RASAL2: variants seen among roughly 807,000 people sequenced by gnomAD.
RASAL2 encodes RAS protein activator like 2, also known as ras GTPase-activating protein nGAP.
A neutral mutation model predicts 128.9 loss-of-function variants in RASAL2; 58 were observed. The ratio of observed to expected loss-of-function variants is 0.45; its 90% CI spans 0.36 to 0.56. The LOEUF is 0.56. Ranked by LOEUF, RASAL2 falls within the 20% of genes least tolerant of loss-of-function variation. RASAL2 has a pLI of 0.00. For synonymous variants in RASAL2, 561 were observed against 580.8 expected, an observed-to-expected ratio of 0.97 and a Z score of 0.49; for missense variants, 1,360 against 1,601.6, an observed-to-expected ratio of 0.85 and a Z score of 2.57.
chr1:178,410,365 A>G (rs1193947502), intron 4 of RASAL2, among the ~76,000 whole-genome samples: 1 of 152,190 alleles, frequency 6.6e-6, no homozygotes, highest in African/African-American at 2.4e-5. Flanking sequence ...CTTATACAAA[A>G]ATCAACTCAA....
chr1:178,228,397 T>C (rs756078142), intron 1 of RASAL2, among the ~76,000 whole-genome samples: 1 of 151,864 alleles, frequency 6.6e-6, no homozygotes, highest in Non-Finnish European at 1.5e-5. Context: ...CTGGCCAAGA[T>C]GGTGAAACCC....
intron 1 of RASAL2, among the ~76,000 whole-genome samples, chr1:178,111,672 T>C (rs1230864558): frequency 6.6e-6 from 1 of 152,226 alleles, no homozygotes; most frequent in African/African-American, 2.4e-5. Context: ...TGAGCAGCTT[T>C]TCATATGCTT....
chr1:178,225,857 T>C (rs1359033997), intron 1 of RASAL2, among the ~76,000 whole-genome samples: 1 of 152,068 alleles, frequency 6.6e-6, no homozygotes, highest in Non-Finnish European at 1.5e-5. Context: ...GTGCTTTCTT[T>C]ATGTGCTATA....
At chr1:178,244,383 C>T (rs1364220232) in intron 1 of RASAL2, among the ~76,000 whole-genome samples, 2 of 152,142 alleles carry the variant, frequency 1.3e-5, no homozygotes, top group Admixed American at 6.5e-5. Flanking sequence ...CCTGGGACTA[C>T]AGGCGCGTGC....
intron 3 of RASAL2, among the ~76,000 whole-genome samples, chr1:178,303,165 A>C (rs1667843988): frequency 6.6e-6 from 1 of 152,170 alleles, no homozygotes; most frequent in Non-Finnish European, 1.5e-5. Flanking sequence ...CAGTCTTTTT[A>C]GTCATTGGTG....
At chr1:178,106,969 A>G (rs1275918894) in intron 1 of RASAL2, among the ~76,000 whole-genome samples, 2 of 152,152 alleles carry the variant, frequency 1.3e-5, no homozygotes, top group African/African-American at 2.4e-5. Context: ...AAATTTCCTC[A>G]TATATATCCA....
intron 5 of RASAL2, among the ~76,000 whole-genome samples, chr1:178,428,856 CTACT>C (rs1470990774): frequency 6.6e-6 from 1 of 152,086 alleles, no homozygotes; most frequent in African/African-American, 2.4e-5. Flanking sequence ...GTATGATAGA[CTACT>C]TACTTCTCTC....
chr1:178,311,132 G>A lies in RASAL2; in HGVS notation c.457+11014G>A, dbSNP rs1049228127. On this transcript the variant is annotated intron_variant, in intron 3 of 17. Coordinates refer to ENST00000367649, the MANE Select transcript of RASAL2 (RefSeq NM_170692.4). Reference sequence around the variant, plus strand: ...GAGATGAATGGCAGATTGAACACAAGCATCTAATTATACTCCTCCCAGAAA... The same window carrying A: ...GAGATGAATGGCAGATTGAACACAAACATCTAATTATACTCCTCCCAGAAA... Among the ~76,000 whole-genome samples, 6 of 151,986 alleles carry A rather than the reference G, an allele frequency of 3.9e-5. No homozygotes were observed. In the South Asian group the frequency reaches 1.0e-3, roughly 26 times the overall value.
intron 1 of RASAL2, among the ~76,000 whole-genome samples, chr1:178,178,417 C>G (rs558735682): frequency 3.9e-5 from 6 of 152,034 alleles, no homozygotes; most frequent in African/African-American, 1.4e-4. Context: ...TAGACAGATT[C>G]GTAACTATTT....
rs544425468 is a variant in RASAL2, at chr1:178,164,515, G to T, written c.202+69821G>T. Reference sequence around the variant, plus strand: ...TGTGTGTGTGTGTGTGCGTGTGTGTGTGTGTGTGTTTTAAACTGTATTTCC... The same window carrying T: ...TGTGTGTGTGTGTGTGCGTGTGTGTTTGTGTGTGTTTTAAACTGTATTTCC... On this transcript the variant is annotated intron_variant, in intron 1 of 17. Transcript: ENST00000367649. 2.0e-5 allele frequency among the ~76,000 whole-genome samples: 3 copies of T among 151,014 alleles called. No homozygotes were observed. The South Asian group carries it at 6.3e-4, about 32-fold the overall frequency.
At chr1:178,421,615 T>G (rs757057464) in intron 5 of RASAL2, among the ~76,000 whole-genome samples, 4 of 152,110 alleles carry the variant, frequency 2.6e-5, no homozygotes, top group Non-Finnish European at 4.4e-5. Flanking sequence ...TGAACTCAGG[T>G]CTGCCTCTCA....
rs151170395 is a variant in RASAL2 at position 178,187,035 on chromosome 1, C to T, written c.202+92341C>T. Among the ~76,000 whole-genome samples, 233 of 152,060 alleles carry T rather than the reference C, an allele frequency of 1.5e-3. 1 individual carries two copies. Among genetic ancestry groups the T allele is most frequent in the African/African-American group, 5.4e-3 (223 of 41,484 alleles). ...GTGGAGAGAAGGGTCTCTGTGTTGC[C>T]CAGGTTGGTCTCGAACTCCTGGCCT... On this transcript the variant is annotated intron_variant, in intron 1 of 17. Coordinates refer to ENST00000367649, the MANE Select transcript of RASAL2 (RefSeq NM_170692.4).
chr1:178,411,161 TGTGTACAC>T (rs1674347562), intron 4 of RASAL2, among the ~76,000 whole-genome samples: 1 of 36,812 alleles, frequency 2.7e-5, no homozygotes, highest in Non-Finnish European at 4.7e-5. Flanking sequence ...GGTGTGTGTG[TGTGTACAC>T]ACACACACAC....
At chr1:178,471,445 T>C (rs1648261050) in intron 17 of RASAL2, among the ~76,000 whole-genome samples, 1 of 152,188 alleles carries the variant, frequency 6.6e-6, no homozygotes, top group African/African-American at 2.4e-5. Flanking sequence ...TTTCCTTTAG[T>C]TTTGTCTATC....
At chr1:178,365,048 G>A (rs1316842257) in intron 3 of RASAL2, among the ~76,000 whole-genome samples, 1 of 147,450 alleles carries the variant, frequency 6.8e-6, no homozygotes, top group Non-Finnish European at 1.5e-5. Context: ...TTATAATACT[G>A]TTGACTACCT....
At chr1:178,333,710 G>C (rs551508305) in intron 3 of RASAL2, among the ~76,000 whole-genome samples, 2 of 152,308 alleles carry the variant, frequency 1.3e-5, no homozygotes, top group Non-Finnish European at 1.5e-5. Context: ...TTGAAGATAA[G>C]TTACAAAATA....
intron 3 of RASAL2, among the ~76,000 whole-genome samples, chr1:178,311,637 T>G (rs970831233): frequency 9.9e-5 from 15 of 152,036 alleles, no homozygotes; most frequent in African/African-American, 3.4e-4. Context: ...TAGGTGAATA[T>G]GTGCACGCTG....
intron 2 of RASAL2, among the ~76,000 whole-genome samples, chr1:178,284,421 T>C (rs1304663246): frequency 2.0e-5 from 3 of 152,204 alleles, no homozygotes; most frequent in Non-Finnish European, 2.9e-5. Context: ...TTTGATGTAT[T>C]CTGTAGAGGT....
At chr1:178,430,032 T>C (rs1675782573) in intron 5 of RASAL2, among the ~76,000 whole-genome samples, 1 of 152,170 alleles carries the variant, frequency 6.6e-6, no homozygotes, top group Admixed American at 6.6e-5. Context: ...TTTTCATATG[T>C]CTGCTTACTG....
Sources: allele counts gnomAD v4.1 joint callset (sites outside exome capture counted in the v4.1 genomes callset), GRCh38; gene constraint gnomAD v4.1.1; transcripts MANE v1.5; gene names NCBI Gene and HGNC (gene_info 2026-07-23, HGNC 2026-07-21).